MYO16: variants seen among roughly 807,000 people sequenced by gnomAD.
MYO16 encodes the protein myosin XVI, also known as unconventional myosin-XVI.
Under a neutral mutation model 205.3 loss-of-function variants are expected in MYO16, and 94 were observed. That is an observed-to-expected ratio of 0.46 (90% confidence interval 0.39 to 0.54). The LOEUF (loss-of-function observed/expected upper bound fraction) is 0.54, where lower values mean the gene tolerates loss of function less well. MYO16 is among the 20% of genes least tolerant of loss of function. The pLI is 0.00. For missense variants in MYO16, 2,315 were observed against 2,387.5 expected, an observed-to-expected ratio of 0.97 and a Z score of 0.63; for synonymous variants, 988 against 954.0, an observed-to-expected ratio of 1.04 and a Z score of -0.66.
chr13:108,963,576 A>G (rs1239112203), intron 19 of MYO16, among the ~76,000 whole-genome samples: 1 of 151,974 alleles, frequency 6.6e-6, no homozygotes, highest in African/African-American at 2.4e-5. Flanking sequence ...CTTCCACACT[A>G]CTTCTGAAAT....
intron 16 of MYO16, among the ~76,000 whole-genome samples, chr13:108,948,360 A>G (rs979611241): frequency 5.9e-5 from 9 of 152,336 alleles, no homozygotes; most frequent in Admixed American, 4.6e-4. Context: ...TTGTGTTTGT[A>G]CTCTGCGAGT....
At chr13:108,713,843 C>T (rs1054532755) in intron 3 of MYO16, among the ~76,000 whole-genome samples, 1 of 152,142 alleles carries the variant, frequency 6.6e-6, no homozygotes, top group Non-Finnish European at 1.5e-5. Flanking sequence ...GTAACGTTTT[C>T]CTTCTCTGGA....
intron 12 of MYO16, among the ~76,000 whole-genome samples, chr13:108,878,055 A>G (rs1401053852): frequency 6.6e-6 from 1 of 152,188 alleles, no homozygotes; most frequent in African/African-American, 2.4e-5. Flanking sequence ...TAGTCCTCTC[A>G]GCAGCACCCT....
chr13:108,802,000 G>C (rs1886982011), intron 6 of MYO16, among the ~76,000 whole-genome samples: 2 of 152,042 alleles, frequency 1.3e-5, no homozygotes, highest in East Asian at 1.9e-4. Context: ...CATTTATGGG[G>C]TACAGTGTGA....
intron 20 of MYO16, among the ~76,000 whole-genome samples, chr13:108,969,976 G>C (rs910214559): frequency 8.5e-5 from 13 of 152,070 alleles, no homozygotes; most frequent in African/African-American, 3.1e-4. Flanking sequence ...TGTGATACTA[G>C]CTGGCTGTTT....
At chr13:108,498,867 G>A in the MYO16 span, among the ~76,000 whole-genome samples, 8 of 152,172 alleles carry the variant, frequency 5.3e-5, no homozygotes, top group Admixed American at 2.0e-4. Flanking sequence ...CTGTCTAGAT[G>A]TAGGGAGGCA....
intron 11 of MYO16, among the ~76,000 whole-genome samples, chr13:108,864,228 A>T (rs1218334644): frequency 2.0e-5 from 3 of 152,136 alleles, no homozygotes; most frequent in Non-Finnish European, 4.4e-5. Context: ...TGAAGTTGAT[A>T]CTTAGATCAT....
At chr13:108,800,861 A>C (rs2138967431) in intron 6 of MYO16, among the ~76,000 whole-genome samples, 1 of 152,350 alleles carries the variant, frequency 6.6e-6, no homozygotes, top group South Asian at 2.1e-4. Flanking sequence ...TTAGTAAAAA[A>C]TCAGATGCAC....
At chr13:108,556,142 C>G in the MYO16 span, among the ~76,000 whole-genome samples, 1 of 152,026 alleles carries the variant, frequency 6.6e-6, no homozygotes, top group Non-Finnish European at 1.5e-5. Context: ...ACTTTATTTC[C>G]TTTGGATATA....
intron 9 of MYO16, among the ~76,000 whole-genome samples, chr13:108,830,629 A>T (rs1390284241): frequency 1.0e-5 from 1 of 96,400 alleles, no homozygotes; most frequent in Non-Finnish European, 2.0e-5. Context: ...GGGAGGGGGG[A>T]GGGATAGTAT....
chr13:108,925,452 A>C (rs2139275767), intron 16 of MYO16, among the ~76,000 whole-genome samples: 1 of 152,290 alleles, frequency 6.6e-6, no homozygotes, highest in East Asian at 1.9e-4. Flanking sequence ...GAGATAAGTA[A>C]GTATAATATG....
intron 9 of MYO16, among the ~76,000 whole-genome samples, chr13:108,825,903 A>T (rs1594323181): frequency 6.6e-6 from 1 of 152,170 alleles, no homozygotes; most frequent in South Asian, 2.1e-4. Context: ...AAGAAAATTT[A>T]AGAAAAGAAC....
In MYO16 at chr13:108,714,244, A is replaced by T. The variant is rs554593561; in HGVS notation, c.363+1513A>T. 4.6e-5 allele frequency among the ~76,000 whole-genome samples: 7 copies of T among 152,158 alleles called. No homozygotes were observed. The South Asian group carries it at 1.5e-3, about 32-fold the overall frequency. On this transcript the variant is annotated intron_variant, in intron 3 of 34. Coordinates refer to ENST00000457511, the MANE Select transcript of MYO16 (RefSeq NM_001198950.3). ...CGAATTTTTTGTATTTTTAGTAGAGATGGGGTTTCACCATGTTCGCTAGGA... is the reference window on the plus strand; with the variant it reads ...CGAATTTTTTGTATTTTTAGTAGAGTTGGGGTTTCACCATGTTCGCTAGGA...
intron 4 of MYO16, among the ~76,000 whole-genome samples, chr13:108,761,058 AT>A (rs1871437505): frequency 6.6e-6 from 1 of 152,172 alleles, no homozygotes; most frequent in Non-Finnish European, 1.5e-5. Context: ...GCACACATGC[AT>A]CACACACACC....
chr13:108,568,473 G>GT, the MYO16 span, among the ~76,000 whole-genome samples: 1 of 151,822 alleles, frequency 6.6e-6, no homozygotes, highest in African/African-American at 2.4e-5. Flanking sequence ...GTGCTTATTG[G>GT]CTGTTTGTAT....
chr13:109,049,463 T>C (rs1887163837), intron 24 of MYO16, among the ~76,000 whole-genome samples: 1 of 152,212 alleles, frequency 6.6e-6, no homozygotes, highest in African/African-American at 2.4e-5. Flanking sequence ...GATCTTGCTA[T>C]ATCTTCATGC....
At chr13:108,911,348 G>C (rs1881257313) in intron 16 of MYO16, among the ~76,000 whole-genome samples, 1 of 152,076 alleles carries the variant, frequency 6.6e-6, no homozygotes, top group African/African-American at 2.4e-5. Flanking sequence ...ATGAGGGTTG[G>C]GGAACAGAGG....
chr13:108,660,923 T>G (rs942965750), intron 1 of MYO16, among the ~76,000 whole-genome samples: 1 of 152,186 alleles, frequency 6.6e-6, no homozygotes, highest in African/African-American at 2.4e-5. Context: ...GGTCCTGTTT[T>G]GATGTGTTTC....
chr13:108,536,525 T>C, the MYO16 span, among the ~76,000 whole-genome samples: 1 of 152,122 alleles, frequency 6.6e-6, no homozygotes, highest in Non-Finnish European at 1.5e-5. Context: ...CTCTGTAACC[T>C]TGGACAAGTT....
Sources: gnomAD v4.1 joint callset for allele counts (sites outside exome capture counted in the v4.1 genomes callset) on GRCh38, gnomAD v4.1.1 for gene constraint, MANE v1.5 for transcripts, NCBI Gene and HGNC (gene_info 2026-07-23, HGNC 2026-07-21) for gene names.